Variants in COQ2 observed in about 807,000 individuals in gnomAD.
COQ2 encodes the protein coenzyme Q2, polyprenyltransferase, also known as 4-hydroxybenzoate polyprenyltransferase, mitochondrial.
A neutral mutation model predicts 35.7 loss-of-function variants in COQ2; 25 were observed. That is an observed-to-expected ratio of 0.70 (90% CI 0.51 to 0.98). The LOEUF is 0.98. COQ2 is among the 50% of genes least tolerant of loss of function. The probability of loss-of-function intolerance (pLI) is 0.00; values close to 1 mark genes in which losing one functional copy is unlikely to be tolerated. For missense variants in COQ2, 488 were observed against 473.5 expected, an observed-to-expected ratio of 1.03 and a Z score of -0.28; for synonymous variants, 206 against 186.2, an observed-to-expected ratio of 1.11 and a Z score of -0.86.
intron 1 of COQ2, chr4:83,284,044 C>T: frequency 1.0e-6 from 1 of 985,468 alleles, no homozygotes; most frequent in Non-Finnish European, 1.2e-6. Context: ...CCTTAGTTTC[C>T]TCAGCGTCTT....
At chr4:83,266,192 C>T (rs376741623) in intron 6 of COQ2, among the ~76,000 whole-genome samples, 37 of 152,112 alleles carry the variant, frequency 2.4e-4, no homozygotes, top group African/African-American at 7.2e-4. Flanking sequence ...TTAGTTTTCA[C>T]AGTGAGGAAA....
chr4:83,279,309 A>G (rs915110291), intron 1 of COQ2, among the ~76,000 whole-genome samples, 195 bp from the exon 2 acceptor site: 1 of 152,190 alleles, frequency 6.6e-6, no homozygotes. Flanking sequence ...GAAAGAGATC[A>G]ACAGTCCAAT....
intron 2 of COQ2, among the ~76,000 whole-genome samples, chr4:83,277,422 C>T (rs1393031771): frequency 6.6e-6 from 1 of 152,132 alleles, no homozygotes; most frequent in Non-Finnish European, 1.5e-5. Context: ...CTAGCCCACT[C>T]TTTTTTTGCC....
intron 1 of COQ2, chr4:83,283,627 C>T (rs958600400): frequency 3.0e-6 from 3 of 985,302 alleles, no homozygotes; most frequent in Non-Finnish European, 3.6e-6. Context: ...ATTTTCCTAG[C>T]TCACCAAATA....
At chr4:83,284,058 T>G in intron 1 of COQ2, 1 of 985,470 alleles carries the variant, frequency 1.0e-6, no homozygotes, top group Non-Finnish European at 1.2e-6. Context: ...GCGTCTTAAC[T>G]GTCTTAAGGA....
In COQ2 at chr4:83,264,319, T is replaced by C. The variant is rs1409687320; in HGVS notation, c.996A>G (p.Lys332=). 3 of 1,612,702 alleles carry C rather than the reference T, an allele frequency of 1.9e-6. No homozygotes were observed. Among genetic ancestry groups the C allele is most frequent in the South Asian group, 1.1e-5 (1 of 90,620 alleles). ...GTCCCAGTGTTCGGTTGGAGATAAA[T>C]TTATTCCAACAATCCTCAGGTCTGT... ...DIHRPEDCWN[K]FISNRTLGLI... is the part of the protein sequence containing the mutation. The change falls in exon 7 of 7, where the codon AAA becomes AAG. Residue 332 remains lysine (K), a synonymous_variant. Coordinates refer to ENST00000647002, the MANE Select transcript of COQ2 (RefSeq NM_001358921.2).
chr4:83,276,184 G>T (rs1311711507), intron 2 of COQ2, among the ~76,000 whole-genome samples: 1 of 151,178 alleles, frequency 6.6e-6, no homozygotes, highest in East Asian at 1.9e-4. Flanking sequence ...TATGTTTGTT[G>T]GTTGCTTGTA....
intron 3 of COQ2, 75 bp from the exon 4 acceptor site, chr4:83,272,247 A>T: frequency 1.3e-6 from 1 of 767,634 alleles, no homozygotes; most frequent in South Asian, 1.9e-5. Flanking sequence ...TAAGACAATG[A>T]CATAAGTAAT....
intron 1 of COQ2, among the ~76,000 whole-genome samples, chr4:83,279,607 C>A (rs1030231737): frequency 2.0e-5 from 3 of 151,532 alleles, no homozygotes; most frequent in African/African-American, 7.3e-5. Flanking sequence ...ATATACGTAC[C>A]TACATATAAA....
At position 83,267,655 on chromosome 4, in the gene COQ2, A is replaced by G. The variant is rs367624560; in HGVS notation, c.882T>C (p.Gly294=). Residue 294 remains glycine, a synonymous_variant, in exon 6 of 7, where the codon GGT becomes GGC. Coordinates refer to ENST00000647002, the MANE Select transcript of COQ2 (RefSeq NM_001358921.2). ...AGGGAGCAGTCTGTCCACTGTTCAC[A>G]CCCACTAGGCTCAGTGCCCCCAGCA... ...VAMLGALSLV[G]VNSGQTAPYY... is the part of the protein sequence containing the mutation. 1.9e-6 allele frequency: 3 copies of G among 1,577,318 alleles called. No individual in the cohort carries two copies. The highest frequency in any genetic ancestry group is 1.4e-5 in the African/African-American group (1 of 73,854).
chr4:83,268,083 T>C (rs1389252528), intron 5 of COQ2, among the ~76,000 whole-genome samples: 1 of 152,242 alleles, frequency 6.6e-6, no homozygotes, highest in East Asian at 1.9e-4. Flanking sequence ...GTTATAATCC[T>C]ATAATGACTC....
chr4:83,279,668 C>A lies in COQ2; in HGVS notation c.254-554G>T, dbSNP rs77112074. 5.1e-3 allele frequency among the ~76,000 whole-genome samples: 777 copies of A among 152,104 alleles called. 28 individuals carry two copies. In the East Asian group the frequency reaches 0.091, roughly 18 times the overall value. ...CTCAAAGACTGTCAGGAAGAACACA[C>A]TAGAAACATATAATAATGGTTGCTT... is the stretch of plus-strand genomic sequence containing the variant. On this transcript the variant is annotated intron_variant, in intron 1 of 6. Coordinates refer to ENST00000647002, the MANE Select transcript of COQ2 (RefSeq NM_001358921.2).
intron 1 of COQ2, chr4:83,283,955 C>T (rs1361296138): frequency 1.0e-6 from 1 of 985,398 alleles, no homozygotes; most frequent in Non-Finnish European, 1.2e-6. Context: ...TAAATCTTTG[C>T]CTTATGGGTG....
upstream of COQ2, among the ~76,000 whole-genome samples, chr4:83,285,096 C>A (rs1206066838): frequency 6.6e-6 from 1 of 152,056 alleles, no homozygotes; most frequent in Non-Finnish European, 1.5e-5. Context: ...AAAATAGAAT[C>A]GGGCAACACC....
intron 4 of COQ2, among the ~76,000 whole-genome samples, 193 bp downstream of exon 4, chr4:83,271,894 C>A (rs531168346): frequency 6.6e-6 from 1 of 152,166 alleles, no homozygotes; most frequent in Non-Finnish European, 1.5e-5. Flanking sequence ...ATGATGATAA[C>A]CCTAATAAAT....
At chr4:83,269,665 TAAAA>T (rs1553915111) in intron 5 of COQ2, among the ~76,000 whole-genome samples, 191 bp downstream of exon 5, 1 of 151,774 alleles carries the variant, frequency 6.6e-6, no homozygotes, top group Non-Finnish European at 1.5e-5. Context: ...CACATAAACA[TAAAA>T]AAAATTTTGT....
intron 6 of COQ2, 96 bp from the exon 7 acceptor site, chr4:83,264,459 C>CA: frequency 1.4e-6 from 2 of 1,450,010 alleles, no homozygotes; most frequent in South Asian, 1.6e-5. Flanking sequence ...ACAGCAAATA[C>CA]AAAAAATACA....
rs562343303 is a variant in COQ2 at position 83,267,535 on chromosome 4, T to G, written c.951+51A>C. ...AGAGGGCATACTGTTTAAATAATTT[T>G]TATAATTTATACCAAGGAAATATGA... On this transcript the variant is annotated intron_variant, in intron 6 of 6. Transcript: ENST00000647002. 7 of 1,471,778 alleles carry G rather than the reference T, an allele frequency of 4.8e-6. No homozygotes were observed. The South Asian group carries it at 6.7e-5, about 14-fold the overall frequency. The allele number at this position is 1,471,778 out of a possible 1,614,324, so 91.2% of individuals were successfully genotyped here.
intron 2 of COQ2, among the ~76,000 whole-genome samples, chr4:83,274,703 T>C (rs1735128551): frequency 6.6e-6 from 1 of 152,212 alleles, no homozygotes; most frequent in South Asian, 2.1e-4. Flanking sequence ...TTCTTAAATA[T>C]GTAGGTTTAT....
Sources: allele counts gnomAD v4.1 joint callset (sites outside exome capture counted in the v4.1 genomes callset), GRCh38; gene constraint gnomAD v4.1.1; transcripts MANE v1.5; gene names NCBI Gene and HGNC (gene_info 2026-07-23, HGNC 2026-07-21).